Variants in MAPKAP1 observed in about 807,000 individuals in gnomAD.
The protein encoded by MAPKAP1 is target of rapamycin complex 2 subunit MAPKAP1.
Under a neutral mutation model 65.7 loss-of-function variants are expected in MAPKAP1, and 20 were observed. The observed-to-expected ratio is 0.30, with a 90% CI of 0.21 to 0.44. The LOEUF is 0.44. Among genes scored for constraint, MAPKAP1 ranks in the 20% least tolerant of loss-of-function variants. The pLI is 1.00. For synonymous variants in MAPKAP1, 222 were observed against 244.3 expected, an observed-to-expected ratio of 0.91 and a Z score of 0.85; for missense variants, 423 against 648.0, an observed-to-expected ratio of 0.65 and a Z score of 3.77.
intron 8 of MAPKAP1, among the ~76,000 whole-genome samples, chr9:125,504,612 CTAAAAATAAAAAATAAAAA>C (rs1281856661): frequency 6.6e-6 from 1 of 151,874 alleles, no homozygotes; most frequent in Non-Finnish European, 1.5e-5. Context: ...TCCACCTCTA[CTAAAAATAAAAAATAAAAA>C]TAAAAATAAA....
At chr9:125,592,382 C>T (rs1057147307) in intron 4 of MAPKAP1, among the ~76,000 whole-genome samples, 9 of 152,066 alleles carry the variant, frequency 5.9e-5, no homozygotes, top group African/African-American at 1.9e-4. Context: ...CTCTGAGACA[C>T]GGGATTATCA....
intron 5 of MAPKAP1, 32 bp from the exon 6 acceptor site, chr9:125,559,841 C>A: frequency 6.3e-7 from 1 of 1,590,554 alleles, no homozygotes; most frequent in Non-Finnish European, 8.6e-7. Context: ...CGAGTGAATA[C>A]CAAGGTAGGG....
intron 4 of MAPKAP1, among the ~76,000 whole-genome samples, chr9:125,623,751 G>A (rs1199254437): frequency 2.4e-4 from 14 of 58,714 alleles, no homozygotes; most frequent in Admixed American, 2.1e-3. Flanking sequence ...CATCCGGGAG[G>A]GAGGTGGGGG....
At chr9:125,665,564 GCTGA>G (rs1345606230) in intron 3 of MAPKAP1, among the ~76,000 whole-genome samples, 2 of 151,620 alleles carry the variant, frequency 1.3e-5, no homozygotes, top group Non-Finnish European at 2.9e-5. Context: ...ACCACCCTTT[GCTGA>G]CTCTTTTCGG....
intron 4 of MAPKAP1, among the ~76,000 whole-genome samples, chr9:125,606,303 A>G (rs1321884550): frequency 2.0e-5 from 3 of 152,226 alleles, no homozygotes; most frequent in African/African-American, 7.2e-5. Flanking sequence ...AAAATTCAGC[A>G]GGGATAACAT....
At chr9:125,511,299 T>C (rs1829294551) in intron 7 of MAPKAP1, among the ~76,000 whole-genome samples, 1 of 152,164 alleles carries the variant, frequency 6.6e-6, no homozygotes, top group South Asian at 2.1e-4. Flanking sequence ...GCTAGGTCTT[T>C]TATGTACAGA....
chr9:125,532,586 T>C (rs991114087), intron 7 of MAPKAP1, among the ~76,000 whole-genome samples: 4 of 152,190 alleles, frequency 2.6e-5, no homozygotes, highest in African/African-American at 9.7e-5. Flanking sequence ...TGACATTGAT[T>C]GTTGGTTGCA....
intron 7 of MAPKAP1, among the ~76,000 whole-genome samples, chr9:125,525,199 G>A (rs1474191488): frequency 6.6e-6 from 1 of 152,168 alleles, no homozygotes; most frequent in Non-Finnish European, 1.5e-5. Context: ...GAGGGGACAG[G>A]ACTAACATTT....
chr9:125,598,156 C>CT (rs979256359), intron 4 of MAPKAP1, among the ~76,000 whole-genome samples: 34 of 150,142 alleles, frequency 2.3e-4, no homozygotes, highest in Admixed American at 1.2e-3. Flanking sequence ...ACAAAAAGAA[C>CT]TTTTTTTTTA....
At chr9:125,698,284 TATAAATA>T (rs1287049886) in intron 1 of MAPKAP1, among the ~76,000 whole-genome samples, 9 of 25,910 alleles carry the variant, frequency 3.5e-4, no homozygotes, top group African/African-American at 2.9e-3. Flanking sequence ...ACATAATATA[TATAAATA>T]TATATATATA....
intron 3 of MAPKAP1, among the ~76,000 whole-genome samples, chr9:125,667,324 G>A (rs762615536): frequency 9.2e-5 from 14 of 152,040 alleles, no homozygotes; most frequent in East Asian, 1.9e-4. Context: ...TCTATTCACC[G>A]TATTTTTGGG....
chr9:125,643,153 G>C (rs1289444233), intron 4 of MAPKAP1, among the ~76,000 whole-genome samples: 1 of 150,538 alleles, frequency 6.6e-6, no homozygotes, highest in Non-Finnish European at 1.5e-5. Flanking sequence ...GCCAGCCTTG[G>C]CCTCCCAAAG....
At chr9:125,677,753 A>C (rs1455744756) in intron 1 of MAPKAP1, among the ~76,000 whole-genome samples, 2 of 152,086 alleles carry the variant, frequency 1.3e-5, no homozygotes, top group Non-Finnish European at 2.9e-5. Flanking sequence ...GGCCACAGAT[A>C]AATAATATCA....
At chr9:125,548,208 A>C (rs1830483909) in intron 6 of MAPKAP1, among the ~76,000 whole-genome samples, 1 of 152,258 alleles carries the variant, frequency 6.6e-6, no homozygotes, top group Non-Finnish European at 1.5e-5. Flanking sequence ...TTCAGAAATC[A>C]ACAATGTGGT....
chr9:125,594,538 C>T (rs1388890945), intron 4 of MAPKAP1, among the ~76,000 whole-genome samples: 1 of 152,204 alleles, frequency 6.6e-6, no homozygotes, highest in East Asian at 1.9e-4. Context: ...GCCACAAAGT[C>T]ACTGATCAAG....
At chr9:125,693,836 T>TACACACACACACACACACAC (rs375290028) in intron 1 of MAPKAP1, among the ~76,000 whole-genome samples, 13 of 119,466 alleles carry the variant, frequency 1.1e-4, no homozygotes, top group Non-Finnish European at 1.3e-4. Context: ...CACACATATA[T>TACACACACACACACACACAC]ATACACACAT....
chr9:125,487,254 C>T (rs1854525410), intron 8 of MAPKAP1, among the ~76,000 whole-genome samples: 1 of 152,104 alleles, frequency 6.6e-6, no homozygotes, highest in Non-Finnish European at 1.5e-5. Flanking sequence ...GACAGAGATG[C>T]CATGATCCTG....
chr9:125,587,191 G>A (rs1388547298), intron 4 of MAPKAP1, among the ~76,000 whole-genome samples: 2 of 152,182 alleles, frequency 1.3e-5, no homozygotes, highest in Non-Finnish European at 2.9e-5. Context: ...CATGACTTTG[G>A]ATTAGGCAAC....
At chr9:125,695,290 C>A (rs1414734859) in intron 1 of MAPKAP1, among the ~76,000 whole-genome samples, 2 of 152,172 alleles carry the variant, frequency 1.3e-5, no homozygotes, top group Non-Finnish European at 2.9e-5. Context: ...TCACCCCACG[C>A]CGGTAAAGAG....
Sources: allele counts gnomAD v4.1 joint callset (sites outside exome capture counted in the v4.1 genomes callset), GRCh38; gene constraint gnomAD v4.1.1; transcripts MANE v1.5; gene names NCBI Gene and HGNC (gene_info 2026-07-23, HGNC 2026-07-21).